Variants in ZNF804A observed in about 807,000 individuals in gnomAD.
The protein encoded by ZNF804A is zinc finger protein 804A.
In ZNF804A, 2 loss-of-function variants were observed where a neutral mutation model predicts 16.5. The ratio of observed to expected loss-of-function variants is 0.12; its 90% CI spans 0.05 to 0.38. The LOEUF is 0.38. Among genes scored for constraint, ZNF804A ranks in the 10% least tolerant of loss-of-function variants. The pLI, the probability that ZNF804A is intolerant of heterozygous loss-of-function variation, is 0.99. For synonymous variants in ZNF804A, 534 were observed against 489.6 expected, an observed-to-expected ratio of 1.09 and a Z score of -1.20; for missense variants, 1,473 against 1,390.7, an observed-to-expected ratio of 1.06 and a Z score of -0.94.
chr2:184,782,683 A>G (rs898291334), intron 1 of ZNF804A, among the ~76,000 whole-genome samples: 4 of 148,314 alleles, frequency 2.7e-5, no homozygotes, highest in Non-Finnish European at 6.0e-5. Context: ...GGATATGTAT[A>G]TCCTATATAT....
intron 2 of ZNF804A, among the ~76,000 whole-genome samples, chr2:184,915,900 A>G (rs1449621595): frequency 3.3e-5 from 5 of 152,192 alleles, no homozygotes; most frequent in South Asian, 4.1e-4. Flanking sequence ...TTCATTCAGC[A>G]TAATGCCATT....
chr2:184,609,224 G>T (rs1236909954), intron 1 of ZNF804A, among the ~76,000 whole-genome samples: 4 of 152,146 alleles, frequency 2.6e-5, no homozygotes, highest in Admixed American at 6.5e-5. Flanking sequence ...TCATACTATT[G>T]GTAGTAGCAG....
In ZNF804A at chr2:184,774,239, A is replaced by C. The variant is rs1156769374; in HGVS notation, c.112-92130A>C. 4.6e-5 allele frequency among the ~76,000 whole-genome samples: 7 copies of C among 152,026 alleles called. 1 individual carries two copies. In the Middle Eastern group the frequency reaches 0.014, roughly 295 times the overall value. On this transcript the variant is annotated intron_variant, in intron 1 of 3. Transcript: ENST00000302277. ...TTGCTGTTGAATCGTAAACAAAATA[A>C]ACATACACAGAATTTACATCTATTT...
At chr2:184,704,632 G>A (rs1464015698) in intron 1 of ZNF804A, among the ~76,000 whole-genome samples, 2 of 152,154 alleles carry the variant, frequency 1.3e-5, no homozygotes, top group African/African-American at 4.8e-5. Flanking sequence ...GAGTTAAGAG[G>A]TTTGAACTTT....
intron 2 of ZNF804A, among the ~76,000 whole-genome samples, chr2:184,902,935 T>C (rs781028201): frequency 6.6e-6 from 1 of 152,186 alleles, no homozygotes; most frequent in Non-Finnish European, 1.5e-5. Context: ...AAAATAATTA[T>C]GTCAAATGGA....
chr2:184,880,977 T>A (rs1684801591), intron 2 of ZNF804A, among the ~76,000 whole-genome samples: 1 of 152,072 alleles, frequency 6.6e-6, no homozygotes, highest in African/African-American at 2.4e-5. Context: ...TCATCGACAT[T>A]CAGGAGATAG....
At chr2:184,804,213 G>C (rs1054227352) in intron 1 of ZNF804A, among the ~76,000 whole-genome samples, 1 of 151,996 alleles carries the variant, frequency 6.6e-6, no homozygotes. Context: ...GAATTCACTC[G>C]GGTAATCCCA....
intron 1 of ZNF804A, among the ~76,000 whole-genome samples, chr2:184,721,505 T>C (rs1360833757): frequency 6.6e-6 from 1 of 152,030 alleles, no homozygotes; most frequent in South Asian, 2.1e-4. Context: ...CTAGTCATCA[T>C]GGAAATGCAA....
At chr2:184,625,200 A>G (rs1691477535) in intron 1 of ZNF804A, among the ~76,000 whole-genome samples, 1 of 152,150 alleles carries the variant, frequency 6.6e-6, no homozygotes, top group Non-Finnish European at 1.5e-5. Context: ...GTAGATATCA[A>G]TTTCAGTAAT....
chr2:184,913,946 C>T (rs1685407599), intron 2 of ZNF804A, among the ~76,000 whole-genome samples: 1 of 152,118 alleles, frequency 6.6e-6, no homozygotes, highest in South Asian at 2.1e-4. Context: ...CGTTCAGATT[C>T]CTCAGGCTTA....
At chr2:184,875,412 C>T (rs1053265695) in intron 2 of ZNF804A, among the ~76,000 whole-genome samples, 2 of 152,108 alleles carry the variant, frequency 1.3e-5, no homozygotes, top group African/African-American at 4.8e-5. Flanking sequence ...CTGGCACCTC[C>T]TCCCTCTCTT....
At chr2:184,929,066 T>C (rs1056484875) in intron 2 of ZNF804A, among the ~76,000 whole-genome samples, 7 of 152,138 alleles carry the variant, frequency 4.6e-5, no homozygotes, top group African/African-American at 1.7e-4. Flanking sequence ...ATTGTTATCC[T>C]TGTGGGCGGG....
intron 1 of ZNF804A, among the ~76,000 whole-genome samples, chr2:184,611,509 C>G (rs1392520905): frequency 6.6e-6 from 1 of 152,088 alleles, no homozygotes; most frequent in African/African-American, 2.4e-5. Flanking sequence ...ATTGCTGTGA[C>G]TCATAAAGTT....
intron 2 of ZNF804A, among the ~76,000 whole-genome samples, chr2:184,869,463 C>A (rs943318602): frequency 1.3e-5 from 2 of 152,080 alleles, no homozygotes; most frequent in East Asian, 3.9e-4. Context: ...CTGTCTCTTA[C>A]CAGCCATATG....
At chr2:184,897,544 A>G (rs981567098) in intron 2 of ZNF804A, among the ~76,000 whole-genome samples, 2 of 152,020 alleles carry the variant, frequency 1.3e-5, no homozygotes, top group African/African-American at 4.8e-5. Flanking sequence ...TAATAAGTAA[A>G]GTATTATGAT....
chr2:184,840,959 C>T (rs1189681134), intron 1 of ZNF804A, among the ~76,000 whole-genome samples: 4 of 152,090 alleles, frequency 2.6e-5, no homozygotes, highest in East Asian at 1.9e-4. Context: ...GAAATTAAGA[C>T]GTTTCGCCAT....
intron 1 of ZNF804A, among the ~76,000 whole-genome samples, chr2:184,759,215 TG>T (rs1481390565): frequency 1.3e-5 from 2 of 151,236 alleles, no homozygotes; most frequent in African/African-American, 2.4e-5. Context: ...TATTCATTAT[TG>T]AAAAAAAAAT....
intron 1 of ZNF804A, among the ~76,000 whole-genome samples, chr2:184,797,264 A>G (rs774749253): frequency 5.3e-5 from 8 of 151,888 alleles, no homozygotes; most frequent in Non-Finnish European, 8.8e-5. Flanking sequence ...TGTCTATCTT[A>G]TTTCTTAGGT....
chr2:184,709,912 TA>T (rs1341148684), intron 1 of ZNF804A, among the ~76,000 whole-genome samples: 2 of 149,630 alleles, frequency 1.3e-5, no homozygotes, highest in African/African-American at 4.9e-5. Context: ...CATAAAAGCA[TA>T]AAGTATAGGA....
Sources: gnomAD v4.1 joint callset for allele counts (sites outside exome capture counted in the v4.1 genomes callset) on GRCh38, gnomAD v4.1.1 for gene constraint, MANE v1.5 for transcripts, NCBI Gene and HGNC (gene_info 2026-07-23, HGNC 2026-07-21) for gene names.